Variants in MARCHF5 observed in about 807,000 individuals in gnomAD.
MARCHF5 encodes the protein E3 ubiquitin-protein ligase MARCHF5.
In MARCHF5, 5 loss-of-function variants were observed where a neutral mutation model predicts 36.5. The ratio of observed to expected loss-of-function variants is 0.14; its 90% CI spans 0.07 to 0.29. MARCHF5 has a LOEUF of 0.29. Among genes scored for constraint, MARCHF5 ranks in the 10% least tolerant of loss-of-function variants. The probability of loss-of-function intolerance (pLI) is 1.00; values close to 1 mark genes in which losing one functional copy is unlikely to be tolerated. For missense variants in MARCHF5, 179 were observed against 336.3 expected, an observed-to-expected ratio of 0.53 and a Z score of 3.66; for synonymous variants, 103 against 109.9, an observed-to-expected ratio of 0.94 and a Z score of 0.39.
chr10:92,291,645 C>T lies in MARCHF5; in HGVS notation c.35+116C>T, dbSNP rs143266638. On this transcript the variant is annotated intron_variant, in intron 1 of 5. Transcript: ENST00000358935. ...CGGCGTGCCGGGAGGAGTTCCACGG[C>T]CAGGGGGCCGTGAGAGGGGCAAAAA... The T allele has an allele frequency of 1.7e-4, 238 of 1,401,038 alleles. 4 individuals carry two copies. The East Asian group carries it at 4.5e-3, about 26-fold the overall frequency. 86.8% of individuals were successfully genotyped at this position (1,401,038 alleles called of 1,614,324 possible).
At chr10:92,318,863 A>T (rs1488270380) in intron 2 of MARCHF5, among the ~76,000 whole-genome samples, 1 of 151,526 alleles carries the variant, frequency 6.6e-6, no homozygotes, top group Non-Finnish European at 1.5e-5. Flanking sequence ...CCCACCACCA[A>T]GCCTGGCTAA....
At chr10:92,314,463 G>A (rs1843183276) in intron 2 of MARCHF5, among the ~76,000 whole-genome samples, 1 of 152,114 alleles carries the variant, frequency 6.6e-6, no homozygotes, top group African/African-American at 2.4e-5. Context: ...CCAACATGGT[G>A]AAACCTTGTG....
At chr10:92,306,615 G>A (rs1179101555) in intron 1 of MARCHF5, among the ~76,000 whole-genome samples, 4 of 152,156 alleles carry the variant, frequency 2.6e-5, no homozygotes, top group Non-Finnish European at 5.9e-5. Context: ...AGAGAATTGG[G>A]GAATAAATCG....
chr10:92,345,655 C>T (rs899067862), intron 3 of MARCHF5, among the ~76,000 whole-genome samples: 2 of 150,630 alleles, frequency 1.3e-5, no homozygotes, highest in African/African-American at 4.9e-5. Flanking sequence ...TTCTCTAAAC[C>T]TGCAATTCTA....
At chr10:92,333,640 T>TG in intron 2 of MARCHF5, 2 of 984,982 alleles carry the variant, frequency 2.0e-6, no homozygotes, top group Non-Finnish European at 2.4e-6. Context: ...GTGTATTTTG[T>TG]GGGGTAGTAT....
chr10:92,317,501 T>G (rs763639235), intron 2 of MARCHF5, among the ~76,000 whole-genome samples: 2 of 152,184 alleles, frequency 1.3e-5, no homozygotes, highest in Non-Finnish European at 2.9e-5. Flanking sequence ...TTTTGATACA[T>G]TGTGTAAATG....
At chr10:92,334,991 T>C (rs897864520) in intron 2 of MARCHF5, among the ~76,000 whole-genome samples, 3 of 152,192 alleles carry the variant, frequency 2.0e-5, no homozygotes, top group Non-Finnish European at 4.4e-5. Context: ...TATACAAAGC[T>C]TCAGTTGCCA....
At chr10:92,295,267 A>G (rs1194912714) in intron 1 of MARCHF5, among the ~76,000 whole-genome samples, 1 of 140,278 alleles carries the variant, frequency 7.1e-6, no homozygotes, top group Non-Finnish European at 1.5e-5. Context: ...GGTATGTTCA[A>G]TTTATACCAT....
At chr10:92,320,048 T>C (rs1335036724) in intron 2 of MARCHF5, among the ~76,000 whole-genome samples, 1 of 151,030 alleles carries the variant, frequency 6.6e-6, no homozygotes, top group East Asian at 1.9e-4. Context: ...CTCAGCTTAC[T>C]GCAAAAAAAA....
At chr10:92,340,435 A>G (rs995166034) in intron 2 of MARCHF5, among the ~76,000 whole-genome samples, 1 of 152,218 alleles carries the variant, frequency 6.6e-6, no homozygotes, top group African/African-American at 2.4e-5. Context: ...GGCTGAGTGT[A>G]GTAGCTCATG....
chr10:92,319,101 G>A (rs1024567270), intron 2 of MARCHF5, among the ~76,000 whole-genome samples: 3 of 152,144 alleles, frequency 2.0e-5, no homozygotes, highest in Non-Finnish European at 1.5e-5. Context: ...TAATTGAGTC[G>A]AAAAATTCCC....
At chr10:92,300,162 CAAA>C (rs377259892) in intron 1 of MARCHF5, among the ~76,000 whole-genome samples, 1 of 135,866 alleles carries the variant, frequency 7.4e-6, no homozygotes. Context: ...GACCTTGTCT[CAAA>C]AAAAAAAAAG....
At chr10:92,296,084 A>G (rs1236992371) in intron 1 of MARCHF5, among the ~76,000 whole-genome samples, 2 of 151,974 alleles carry the variant, frequency 1.3e-5, no homozygotes, top group African/African-American at 4.8e-5. Flanking sequence ...TATGTTGGTC[A>G]GGCTGGTCTC....
chr10:92,332,886 C>T (rs1048765334), intron 2 of MARCHF5, among the ~76,000 whole-genome samples: 1 of 144,130 alleles, frequency 6.9e-6, no homozygotes, highest in Non-Finnish European at 1.5e-5. Context: ...ATTTGTTGGC[C>T]GGGTGCGGTG....
intron 1 of MARCHF5, among the ~76,000 whole-genome samples, chr10:92,302,218 A>G (rs1843023797): frequency 6.6e-6 from 1 of 152,104 alleles, no homozygotes; most frequent in African/African-American, 2.4e-5. Flanking sequence ...CAGATGCAGA[A>G]CCCTCAGTTG....
chr10:92,306,355 C>T (rs937513142), intron 1 of MARCHF5, among the ~76,000 whole-genome samples: 2 of 152,164 alleles, frequency 1.3e-5, no homozygotes, highest in Non-Finnish European at 1.5e-5. Context: ...TAGGCTACAG[C>T]GGCCAATCTG....
At chr10:92,336,694 A>G (rs578154865) in intron 2 of MARCHF5, among the ~76,000 whole-genome samples, 1 of 152,234 alleles carries the variant, frequency 6.6e-6, no homozygotes, top group South Asian at 2.1e-4. Flanking sequence ...GCTACTCAAG[A>G]GGCTTAGATG....
At chr10:92,350,727 G>A (rs193260907) in intron 5 of MARCHF5, among the ~76,000 whole-genome samples, 1 of 152,330 alleles carries the variant, frequency 6.6e-6, no homozygotes, top group African/African-American at 2.4e-5. Flanking sequence ...ATAGCCTCCA[G>A]TGGAATGCTG....
chr10:92,343,630 C>T (rs1294559885), intron 3 of MARCHF5, among the ~76,000 whole-genome samples: 4 of 152,162 alleles, frequency 2.6e-5, no homozygotes, highest in Non-Finnish European at 5.9e-5. Context: ...AGTACGGTGG[C>T]GTGATCTCAG....
Sources: allele counts gnomAD v4.1 joint callset (sites outside exome capture counted in the v4.1 genomes callset), GRCh38; gene constraint gnomAD v4.1.1; transcripts MANE v1.5; gene names NCBI Gene and HGNC (gene_info 2026-07-23, HGNC 2026-07-21).